RBL2: variants seen among roughly 807,000 people sequenced by gnomAD.
The protein encoded by RBL2 is RB transcriptional corepressor like 2.
RBL2 carries 56 observed loss-of-function variants against 126.0 expected under a neutral mutation model. The observed-to-expected ratio is 0.44, with a 90% confidence interval of 0.36 to 0.56. The LOEUF (loss-of-function observed/expected upper bound fraction) is 0.56, where lower values mean the gene tolerates loss of function less well. Ranked by LOEUF, RBL2 falls within the 20% of genes least tolerant of loss-of-function variation. The probability of loss-of-function intolerance (pLI) is 0.00; values close to 1 mark genes in which losing one functional copy is unlikely to be tolerated. For synonymous variants in RBL2, 454 were observed against 478.5 expected (o/e 0.95, Z 0.67); for missense variants, 1,229 against 1,398.2 (o/e 0.88, Z 1.93).
At position 53,490,589 on chromosome 16, in the gene RBL2, A is replaced by G. The variant is rs1961380880; in HGVS notation, c.*289A>G. 2 of 278,364 alleles carry G rather than the reference A, an allele frequency of 7.2e-6. No homozygotes were observed. The allele number at this position is 278,364 out of a possible 1,614,324, so 17.2% of individuals were successfully genotyped here. On this transcript the variant is annotated 3_prime_UTR_variant, in exon 22 of 22. Coordinates refer to ENST00000262133, the MANE Select transcript of RBL2 (RefSeq NM_005611.4). Reference sequence around the variant, plus strand: ...GCAAAGCTTTTAGAAATACTGCAAGAAAATGATGTGTACCCAAACGTGAGC... The same window carrying G: ...GCAAAGCTTTTAGAAATACTGCAAGGAAATGATGTGTACCCAAACGTGAGC...
chr16:53,435,007 A>G (rs556700223), intron 1 of RBL2, among the ~76,000 whole-genome samples: 4 of 152,180 alleles, frequency 2.6e-5, no homozygotes, highest in Admixed American at 2.0e-4. Flanking sequence ...CCGAATGGGG[A>G]ACGCGTCTTG....
intron 17 of RBL2, among the ~76,000 whole-genome samples, chr16:53,474,584 G>C (rs1960654792): frequency 6.6e-6 from 1 of 152,164 alleles, no homozygotes; most frequent in African/African-American, 2.4e-5. Flanking sequence ...CCAAAGTGCT[G>C]GGATTATAGG....
chr16:53,452,855 A>C (rs560219839), intron 5 of RBL2, among the ~76,000 whole-genome samples: 1 of 152,002 alleles, frequency 6.6e-6, no homozygotes, highest in Non-Finnish European at 1.5e-5. Flanking sequence ...TTTTCAGTAT[A>C]GATGAGGTTT....
At position 53,480,639 on chromosome 16, in the gene RBL2, C is replaced by T; in HGVS notation, c.2954C>T (p.Pro985Leu). ...GTTCCACAGCCCAGCAGTGCTCCTC[C>T]CACACCTACTCGCCTCACAGGTGCC... The part of the protein sequence containing the change: ...LPVPQPSSAP[P>L]TPTRLTGANS... Residue 985 changes from proline (P) to leucine (L), a missense_variant, in exon 20 of 22, where the codon CCC (proline) becomes CTC (leucine). By Grantham distance (98) the Pro-to-Leu change is moderately conservative. Coordinates refer to ENST00000262133, the MANE Select transcript of RBL2 (RefSeq NM_005611.4). The T allele has an allele frequency of 6.2e-7, 1 of 1,614,024 alleles. No individual in the cohort carries two copies. Among genetic ancestry groups the T allele is most frequent in the Non-Finnish European group, 8.5e-7 (1 of 1,180,002 alleles).
intron 1 of RBL2, 67 bp downstream of exon 1, chr16:53,434,863 C>T (rs1353176309): frequency 1.1e-5 from 15 of 1,405,482 alleles, no homozygotes; most frequent in Non-Finnish European, 1.4e-5. Context: ...CGAGCCGCGT[C>T]GCGCGCCTCG....
intron 17 of RBL2, among the ~76,000 whole-genome samples, chr16:53,472,006 T>G (rs1410732068): frequency 6.6e-6 from 1 of 152,226 alleles, no homozygotes; most frequent in South Asian, 2.1e-4. Context: ...TTTATAGAAA[T>G]GGTACAATAT....
In RBL2 at chr16:53,442,791, A is replaced by AT. The variant is rs1290780149; in HGVS notation, c.510dup (p.Gln171SerfsTer5). 6.2e-7 allele frequency: 1 copy of AT among 1,612,860 alleles called. No homozygotes were observed. Among genetic ancestry groups the AT allele is most frequent in the Admixed American group, 1.7e-5 (1 of 59,836 alleles). On this transcript the variant is annotated frameshift_variant, in exon 3 of 22. Coordinates refer to ENST00000262133, the MANE Select transcript of RBL2 (RefSeq NM_005611.4). LOFTEE classifies it high-confidence loss of function. The stretch of plus-strand genomic sequence containing the variant: ...TGTAATTTTTAAGAAATATGAACCC[A>AT]TTTTTCAGGACATCTTTAAATACCC...
chr16:53,457,258 C>CCTTTTTTTTTGT (rs1555566426), intron 8 of RBL2, among the ~76,000 whole-genome samples: 1 of 89,954 alleles, frequency 1.1e-5, no homozygotes, highest in Non-Finnish European at 2.0e-5. Context: ...GTACAGATAG[C>CCTTTTTTTTTGT]TTTTTTTTTT....
intron 17 of RBL2, among the ~76,000 whole-genome samples, chr16:53,478,482 G>A (rs1401556711): frequency 2.8e-5 from 4 of 145,104 alleles, no homozygotes; most frequent in Non-Finnish European, 4.5e-5. Flanking sequence ...CTCTGAGGCT[G>A]TTTTTCTTCA....
chr16:53,455,265 G>A lies in RBL2; in HGVS notation c.1179+423G>A, dbSNP rs1000284167. 2.0e-5 allele frequency among the ~76,000 whole-genome samples: 3 copies of A among 152,304 alleles called. No homozygotes were observed. In the East Asian group the frequency reaches 5.8e-4, roughly 29 times the overall value. On this transcript the variant is annotated intron_variant, in intron 8 of 21. Transcript: ENST00000262133. Reference sequence around the variant, plus strand: ...CTTTTAAACTGAATTTCAGGACCACGTGGTATTATTTCAAACAGACACTTA... The same window carrying A: ...CTTTTAAACTGAATTTCAGGACCACATGGTATTATTTCAAACAGACACTTA...
intron 1 of RBL2, among the ~76,000 whole-genome samples, chr16:53,437,697 T>C (rs1044628073): frequency 6.6e-6 from 1 of 152,202 alleles, no homozygotes; most frequent in Non-Finnish European, 1.5e-5. Flanking sequence ...TAATTTTGTA[T>C]TTCTATCACT....
chr16:53,446,459 T>G (rs2058062973), intron 3 of RBL2, among the ~76,000 whole-genome samples: 1 of 152,188 alleles, frequency 6.6e-6, no homozygotes, highest in Non-Finnish European at 1.5e-5. Flanking sequence ...AGATTTCTTG[T>G]CTAAAAGTTG....
chr16:53,449,313 TA>T (rs1417820132), intron 4 of RBL2: 2 of 152,182 alleles, frequency 1.3e-5, no homozygotes, highest in Non-Finnish European at 2.9e-5. Flanking sequence ...TACAATACAA[TA>T]AAAAATAATT....
chr16:53,480,461 T>C (rs1046234514), intron 19 of RBL2, 106 bp from the exon 20 acceptor site: 12 of 910,556 alleles, frequency 1.3e-5, no homozygotes, highest in African/African-American at 3.3e-5. Flanking sequence ...TTCACTGTTA[T>C]TAGCAAGTAG....
Position 53,474,881 on chromosome 16 carries a change from C to CT in RBL2, c.2703+3968dup, listed in dbSNP as rs199607130. On this transcript the variant is annotated intron_variant, in intron 17 of 21. Coordinates refer to ENST00000262133, the MANE Select transcript of RBL2 (RefSeq NM_005611.4). ...TTAGGTATTATATTTTTTCCTTTGC[C>CT]TTTTTTTTTAATTTACAGCTGCCTG... 8.7e-3 allele frequency among the ~76,000 whole-genome samples: 1,308 copies of CT among 150,990 alleles called. 24 individuals are homozygous for CT. Among genetic ancestry groups the CT allele is most frequent in the African/African-American group, 0.03 (1,241 of 41,048 alleles).
intron 2 of RBL2, among the ~76,000 whole-genome samples, chr16:53,441,909 C>T (rs933675741): frequency 6.6e-6 from 1 of 152,106 alleles, no homozygotes; most frequent in African/African-American, 2.4e-5. Context: ...CAACCTCCGC[C>T]TCCCAGGTTT....
chr16:53,465,564 A>G lies in RBL2; in HGVS notation c.1825A>G (p.Ile609Val). 1 of 1,598,474 alleles carries G rather than the reference A, an allele frequency of 6.3e-7. No individual in the cohort carries two copies. Among genetic ancestry groups the G allele is most frequent in the Non-Finnish European group, 8.5e-7 (1 of 1,175,046 alleles). ...ACCAGAGTCTCCACTCTGGGAAAAAATTAGAGACAATGAAAACAGAGTTCC... is the reference window on the plus strand; with the variant it reads ...ACCAGAGTCTCCACTCTGGGAAAAAGTTAGAGACAATGAAAACAGAGTTCC... ...WKPESPLWEK[I>V]RDNENRVPTC... Residue 609 changes from isoleucine to valine, a missense_variant, in exon 13 of 22, where the codon ATT becomes GTT. Physicochemically the swap from Ile to Val is conservative, Grantham distance 29. Transcript: ENST00000262133.
intron 7 of RBL2, chr16:53,454,112 T>TA (rs539565221): frequency 2.5e-6 from 1 of 405,522 alleles, no homozygotes; most frequent in Non-Finnish European, 4.8e-6. Context: ...AAGTTGCACC[T>TA]ACCAGCAGCT....
chr16:53,450,791 T>C (rs544000177), intron 4 of RBL2, among the ~76,000 whole-genome samples: 7 of 152,302 alleles, frequency 4.6e-5, no homozygotes, highest in Admixed American at 6.5e-5. Context: ...TAGAAAAGTA[T>C]TAAAAATGTT....
Sources: allele counts gnomAD v4.1 joint callset (sites outside exome capture counted in the v4.1 genomes callset), GRCh38; gene constraint gnomAD v4.1.1; transcripts MANE v1.5; gene names NCBI Gene and HGNC (gene_info 2026-07-23, HGNC 2026-07-21).